FAM240A: variants seen among roughly 807,000 people sequenced by gnomAD.
FAM240A encodes family with sequence similarity 240 member A.
A neutral mutation model predicts 7.3 loss-of-function variants in FAM240A; 8 were observed. The observed-to-expected ratio is 1.09, with a 90% confidence interval of 0.64 to 1.97. The LOEUF (loss-of-function observed/expected upper bound fraction) is 1.97. FAM240A is among the 30% of genes most tolerant of loss of function. FAM240A has a pLI of 0.00. For missense variants in FAM240A, 90 were observed against 102.2 expected (o/e 0.88, Z 0.52); for synonymous variants, 32 against 35.9 (o/e 0.89, Z 0.38).
chr3:46,625,333 T>C lies in FAM240A; in HGVS notation c.*115T>C, dbSNP rs940526322. ...ACCAATCAGCTCTCACACTATTGTT[T>C]CCCCACCTGGGAGAGGACTTACCTG... is the stretch of plus-strand genomic sequence containing the variant. On this transcript the variant is annotated 3_prime_UTR_variant, in exon 3 of 3. Coordinates refer to ENST00000640551, the MANE Select transcript of FAM240A (RefSeq NM_001195442.2). 3 of 687,464 alleles carry C rather than the reference T, an allele frequency of 4.4e-6. No individual in the cohort carries two copies. The highest frequency in any genetic ancestry group is 7.1e-6 in the Non-Finnish European group (3 of 421,322). The allele number at this position is 687,464 out of a possible 1,614,324, so 42.6% of individuals were successfully genotyped here.
intron 2 of FAM240A, among the ~76,000 whole-genome samples, chr3:46,618,609 G>C (rs918958240): frequency 2.6e-5 from 4 of 152,118 alleles, no homozygotes; most frequent in Non-Finnish European, 5.9e-5. Context: ...GGGAGGCTGA[G>C]GTGGGCGGAT....
intron 2 of FAM240A, among the ~76,000 whole-genome samples, chr3:46,618,826 G>A (rs946784689): frequency 4.1e-4 from 61 of 149,642 alleles, no homozygotes; most frequent in African/African-American, 1.5e-3. Context: ...GGTGACAAGA[G>A]CAAAACTCTG....
At chr3:46,620,123 C>T (rs1208674549) in intron 2 of FAM240A, among the ~76,000 whole-genome samples, 1 of 151,864 alleles carries the variant, frequency 6.6e-6, no homozygotes, top group Non-Finnish European at 1.5e-5. Flanking sequence ...CCTCAGCTGA[C>T]CCCTCTTCCC....
Position 46,617,337 on chromosome 3 carries a change from CTTGT to C in FAM240A, c.161+14_161+17del, listed in dbSNP as rs2107141817. 1 of 1,510,278 alleles carries C rather than the reference CTTGT, an allele frequency of 6.6e-7. No homozygotes were observed. The highest frequency in any genetic ancestry group is 1.4e-5 in the African/African-American group (1 of 71,610). The allele number at this position is 1,510,278 out of a possible 1,614,324, so 93.6% of individuals were successfully genotyped here. A position where few individuals can be genotyped will look rare whatever the true frequency, so the allele number is the denominator to read the frequency against. The stretch of plus-strand genomic sequence containing the variant: ...AGAAGCGCACTGAGAAAGTATGTGG[CTTGT>C]TTGTCTACTTTTTAGAATTAATTAA... On this transcript the variant is annotated intron_variant, in intron 2 of 2. Transcript: ENST00000640551.
Position 46,626,475 on chromosome 3 carries a change from C to T in FAM240A, c.*1257C>T, listed in dbSNP as rs1697762361. ...GCTTTTTACAAACAGTAGTGGTTCT[C>T]TTGTCCAGCCCACTGCTACTGGACC... On this transcript the variant is annotated 3_prime_UTR_variant, in exon 3 of 3. Coordinates refer to ENST00000640551, the MANE Select transcript of FAM240A (RefSeq NM_001195442.2). The T allele has an allele frequency of 6.6e-6, 1 of 152,218 alleles. No individual in the cohort carries two copies. The highest frequency in any genetic ancestry group is 6.5e-5 in the Admixed American group (1 of 15,286). The allele number at this position is 152,218 out of a possible 1,614,324, so 9.4% of individuals were successfully genotyped here.
At chr3:46,613,518 A>AATAAATAAATAG (rs1697592065) in intron 1 of FAM240A, among the ~76,000 whole-genome samples, 1 of 151,658 alleles carries the variant, frequency 6.6e-6, no homozygotes, top group Non-Finnish European at 1.5e-5. Context: ...TAAATAAATA[A>AATAAATAAATAG]ATAAATAAAA....
intron 2 of FAM240A, 136 bp downstream of exon 2, chr3:46,617,464 C>T (rs901789668): frequency 1.6e-6 from 1 of 631,056 alleles, no homozygotes; most frequent in Non-Finnish European, 2.5e-6. Context: ...GCAATTGCCC[C>T]ACTGTCAACA....
chr3:46,615,677 T>G (rs74351380), intron 1 of FAM240A, among the ~76,000 whole-genome samples: 3,904 of 152,300 alleles, frequency 0.026, 141 homozygotes, highest in African/African-American at 0.078. Flanking sequence ...CCCCACACTC[T>G]TCTGCAGGGG....
intron 1 of FAM240A, among the ~76,000 whole-genome samples, chr3:46,613,411 T>C (rs1697589790): frequency 6.6e-6 from 1 of 151,862 alleles, no homozygotes; most frequent in Non-Finnish European, 1.5e-5. Context: ...GGAGAATCAC[T>C]TGAACCCAGG....
At chr3:46,623,607 T>C (rs1697721670) in intron 2 of FAM240A, among the ~76,000 whole-genome samples, 1 of 152,212 alleles carries the variant, frequency 6.6e-6, no homozygotes, top group Non-Finnish European at 1.5e-5. Flanking sequence ...ATCATCTTGA[T>C]GAATTGACCC....
intron 2 of FAM240A, among the ~76,000 whole-genome samples, chr3:46,621,708 C>G (rs1256441460): frequency 6.6e-6 from 1 of 151,558 alleles, no homozygotes; most frequent in Non-Finnish European, 1.5e-5. Context: ...CTCGGGAGGT[C>G]GAGGCTGCAG....
chr3:46,625,074 A>G, intron 2 of FAM240A, 54 bp from the exon 3 acceptor site: 2 of 1,353,988 alleles, frequency 1.5e-6, no homozygotes, highest in Non-Finnish European at 2.0e-6. Context: ...GCTCTCCTGA[A>G]CCAAGAGCCA....
intron 2 of FAM240A, among the ~76,000 whole-genome samples, chr3:46,624,264 A>ATTTTTTTTT (rs59290700): frequency 6.2e-5 from 6 of 96,494 alleles, no homozygotes; most frequent in African/African-American, 1.7e-4. Context: ...ACGGTGGGCT[A>ATTTTTTTTT]TTTTTTTTTT....
At chr3:46,619,516 C>T (rs1285342107) in intron 2 of FAM240A, among the ~76,000 whole-genome samples, 1 of 152,152 alleles carries the variant, frequency 6.6e-6, no homozygotes, top group African/African-American at 2.4e-5. Flanking sequence ...GTACAAACCT[C>T]CCCCATTTTG....
intron 2 of FAM240A, among the ~76,000 whole-genome samples, chr3:46,623,132 CT>C (rs1232384787): frequency 2.0e-5 from 3 of 151,866 alleles, no homozygotes; most frequent in Admixed American, 6.6e-5. Context: ...ATTATAATTG[CT>C]TTTTTTAAAT....
intron 1 of FAM240A, among the ~76,000 whole-genome samples, chr3:46,613,490 T>TATAAATAAATAAATAA (rs1559437364): frequency 1.1e-3 from 22 of 20,650 alleles, no homozygotes; most frequent in African/African-American, 2.2e-3. Context: ...TGAAACTCCT[T>TATAAATAAATAAATAA]CTAAATAAAT....
chr3:46,624,687 C>T (rs1697736721), intron 2 of FAM240A, among the ~76,000 whole-genome samples: 1 of 152,096 alleles, frequency 6.6e-6, no homozygotes, highest in Non-Finnish European at 1.5e-5. Context: ...CATCTTGTGT[C>T]ACTTTCCTTC....
At chr3:46,616,252 G>T (rs551984580) in intron 1 of FAM240A, among the ~76,000 whole-genome samples, 1 of 152,344 alleles carries the variant, frequency 6.6e-6, no homozygotes, top group African/African-American at 2.4e-5. Flanking sequence ...CCTGTGGCTG[G>T]CCAGGTCTGT....
chr3:46,617,716 A>G (rs2107142241), intron 2 of FAM240A, among the ~76,000 whole-genome samples: 3 of 152,294 alleles, frequency 2.0e-5, no homozygotes, highest in Admixed American at 2.0e-4. Context: ...GTTACACTAA[A>G]TGGGGCAGGG....
Sources: allele counts gnomAD v4.1 joint callset (sites outside exome capture counted in the v4.1 genomes callset), GRCh38; gene constraint gnomAD v4.1.1; transcripts MANE v1.5; gene names NCBI Gene and HGNC (gene_info 2026-07-23, HGNC 2026-07-21).